Variants in SGMS1 observed in about 807,000 individuals in gnomAD.
SGMS1 encodes the protein sphingomyelin synthase 1, also known as phosphatidylcholine:ceramide cholinephosphotransferase 1.
Under a neutral mutation model 46.2 loss-of-function variants are expected in SGMS1, and 13 were observed. The ratio of observed to expected loss-of-function variants is 0.28; its 90% CI spans 0.18 to 0.45. SGMS1 has a LOEUF of 0.45. Ranked by LOEUF, SGMS1 falls within the 20% of genes least tolerant of loss-of-function variation. The pLI, the probability that SGMS1 is intolerant of heterozygous loss-of-function variation, is 1.00. For missense variants in SGMS1, 324 were observed against 519.9 expected (o/e 0.62, Z 3.66); for synonymous variants, 203 against 187.8 (o/e 1.08, Z -0.66).
chr10:50,496,917 A>G (rs1191158547), intron 3 of SGMS1, among the ~76,000 whole-genome samples: 1 of 152,178 alleles, frequency 6.6e-6, no homozygotes, highest in Non-Finnish European at 1.5e-5. Context: ...CATGTCAACT[A>G]ATGTCACTAC....
intron 6 of SGMS1, among the ~76,000 whole-genome samples, chr10:50,418,676 AT>A (rs1849214789): frequency 6.6e-6 from 1 of 152,240 alleles, no homozygotes. Context: ...CTTACGAAAG[AT>A]ACTTCAGTGG....
At chr10:50,370,745 A>T (rs1027060364) in intron 6 of SGMS1, among the ~76,000 whole-genome samples, 45 of 150,530 alleles carry the variant, frequency 3.0e-4, no homozygotes, top group African/African-American at 1.0e-3. Context: ...ATCTCAATAA[A>T]AAAAAAAAAA....
intron 1 of SGMS1, among the ~76,000 whole-genome samples, chr10:50,600,287 C>T (rs958052195): frequency 6.6e-6 from 1 of 152,210 alleles, no homozygotes; most frequent in African/African-American, 2.4e-5. Flanking sequence ...CTTGCTTGGG[C>T]TTGAAGTCTG....
intron 6 of SGMS1, among the ~76,000 whole-genome samples, chr10:50,379,409 A>G (rs970002545): frequency 6.7e-6 from 1 of 149,562 alleles, no homozygotes; most frequent in African/African-American, 2.5e-5. Flanking sequence ...AAATGTATTT[A>G]TCATTCACAT....
chr10:50,447,758 G>T (rs1206246908), intron 5 of SGMS1, among the ~76,000 whole-genome samples: 1 of 152,138 alleles, frequency 6.6e-6, no homozygotes, highest in Non-Finnish European at 1.5e-5. Context: ...TTTGTGGTAA[G>T]AATACTTCAA....
chr10:50,589,301 G>A (rs370112284), intron 2 of SGMS1, among the ~76,000 whole-genome samples: 7 of 151,772 alleles, frequency 4.6e-5, no homozygotes, highest in African/African-American at 1.2e-4. Flanking sequence ...ACTCACTGTC[G>A]CCCAGCCTGG....
intron 1 of SGMS1, among the ~76,000 whole-genome samples, chr10:50,616,926 C>A (rs1239806041): frequency 1.3e-5 from 2 of 152,196 alleles, no homozygotes; most frequent in Non-Finnish European, 2.9e-5. Context: ...ATGCCCATCA[C>A]ACTTTCCTAA....
intron 3 of SGMS1, among the ~76,000 whole-genome samples, chr10:50,512,801 C>A (rs1226866209): frequency 6.6e-6 from 1 of 152,086 alleles, no homozygotes; most frequent in Admixed American, 6.6e-5. Flanking sequence ...TTTCCAAAAC[C>A]ACTGGTTTTT....
chr10:50,578,884 T>C (rs995502970), intron 2 of SGMS1, among the ~76,000 whole-genome samples: 3 of 152,322 alleles, frequency 2.0e-5, no homozygotes, highest in South Asian at 2.1e-4. Flanking sequence ...GGAAATCTGA[T>C]AGATGACAGC....
chr10:50,572,894 T>C (rs1838348161), intron 2 of SGMS1, among the ~76,000 whole-genome samples: 1 of 152,168 alleles, frequency 6.6e-6, no homozygotes, highest in African/African-American at 2.4e-5. Context: ...CTAGCACCCC[T>C]AGACTAGCTT....
At chr10:50,385,502 A>G (rs563852123) in intron 6 of SGMS1, among the ~76,000 whole-genome samples, 24 of 152,318 alleles carry the variant, frequency 1.6e-4, no homozygotes, top group Admixed American at 6.5e-4. Flanking sequence ...TAATCAAGTT[A>G]CCATAAAGGT....
rs538826190 is a variant in SGMS1, at chr10:50,373,395, G to C, written c.-231-29050C>G. On this transcript the variant is annotated intron_variant, in intron 6 of 10. Transcript: ENST00000361781. ...TGTCTTAACGCCCTGATCATGGAAT[G>C]TTCAATTTTTCAAAATTCTGGATGC... 4.6e-5 allele frequency among the ~76,000 whole-genome samples: 7 copies of C among 152,282 alleles called. 1 individual carries two copies. The highest frequency in any genetic ancestry group is 4.6e-4 in the Admixed American group (7 of 15,300).
chr10:50,321,186 A>G (rs1847436144), intron 8 of SGMS1, among the ~76,000 whole-genome samples: 1 of 152,254 alleles, frequency 6.6e-6, no homozygotes, highest in Non-Finnish European at 1.5e-5. Context: ...CAATAATGTA[A>G]AAATTCATAC....
chr10:50,378,450 C>T (rs905724855), intron 6 of SGMS1, among the ~76,000 whole-genome samples: 7 of 152,186 alleles, frequency 4.6e-5, no homozygotes, highest in African/African-American at 1.7e-4. Flanking sequence ...GTAGATTCTT[C>T]AGCAGATCAT....
chr10:50,415,271 T>C (rs1483529775), intron 6 of SGMS1, among the ~76,000 whole-genome samples: 5 of 152,092 alleles, frequency 3.3e-5, no homozygotes, highest in African/African-American at 9.7e-5. Flanking sequence ...ATACTGATCA[T>C]CACTTTTATT....
intron 4 of SGMS1, among the ~76,000 whole-genome samples, chr10:50,466,604 C>A (rs773258676): frequency 1.2e-4 from 18 of 152,062 alleles, no homozygotes; most frequent in Non-Finnish European, 1.6e-4. Flanking sequence ...AATGAAGACA[C>A]TGATGTCAGA....
intron 8 of SGMS1, among the ~76,000 whole-genome samples, chr10:50,314,832 G>T (rs1847313389): frequency 6.6e-6 from 1 of 152,104 alleles, no homozygotes; most frequent in Non-Finnish European, 1.5e-5. Flanking sequence ...AAGGTGGGAG[G>T]ATCCTTTGAG....
chr10:50,371,363 G>A (rs144628720), intron 6 of SGMS1, among the ~76,000 whole-genome samples: 2 of 152,158 alleles, frequency 1.3e-5, no homozygotes, highest in East Asian at 1.9e-4. Flanking sequence ...TACTGCTCCC[G>A]TACACACCCT....
intron 6 of SGMS1, among the ~76,000 whole-genome samples, chr10:50,355,806 G>A (rs1009800666): frequency 2.6e-5 from 4 of 151,294 alleles, no homozygotes; most frequent in Admixed American, 6.6e-5. Flanking sequence ...CTTCCCAGCC[G>A]TCATCCCGTC....
Sources: gnomAD v4.1 joint callset for allele counts (sites outside exome capture counted in the v4.1 genomes callset) on GRCh38, gnomAD v4.1.1 for gene constraint, MANE v1.5 for transcripts, NCBI Gene and HGNC (gene_info 2026-07-23, HGNC 2026-07-21) for gene names.